Variants in GPR141 observed in about 807,000 individuals in gnomAD.
The protein encoded by GPR141 is probable G protein-coupled receptor 141.
GPR141 carries 6 observed loss-of-function variants against 6.8 expected under a neutral mutation model. The ratio of observed to expected loss-of-function variants is 0.88; its 90% CI spans 0.48 to 1.74. GPR141 has a LOEUF of 1.74. Among genes scored for constraint, GPR141 ranks in the 40% most tolerant of loss-of-function variants. The pLI is 0.01. For synonymous variants in GPR141, 140 were observed against 142.3 expected (o/e 0.98, Z 0.11); for missense variants, 372 against 372.9 (o/e 1.00, Z 0.02).
chr7:37,698,726 G>A (rs182699196), intron 2 of GPR141, among the ~76,000 whole-genome samples: 86 of 152,244 alleles, frequency 5.6e-4, no homozygotes, highest in African/African-American at 1.9e-3. Context: ...CAATAGACTT[G>A]TTTTGTACCA....
intron 2 of GPR141, among the ~76,000 whole-genome samples, chr7:37,728,430 T>A (rs1254033472): frequency 6.6e-6 from 1 of 151,802 alleles, no homozygotes; most frequent in Non-Finnish European, 1.5e-5. Flanking sequence ...CAGGGAGGGG[T>A]TCTGGTGACT....
At chr7:37,736,437 A>C (rs1812240782) in intron 2 of GPR141, among the ~76,000 whole-genome samples, 1 of 151,764 alleles carries the variant, frequency 6.6e-6, no homozygotes, top group South Asian at 2.1e-4. Context: ...ATTATTTCCC[A>C]AAAGTGACAA....
chr7:37,708,324 A>AAAC (rs1554341176), intron 2 of GPR141, among the ~76,000 whole-genome samples: 2 of 151,126 alleles, frequency 1.3e-5, no homozygotes, highest in Non-Finnish European at 3.0e-5. Context: ...AAAAAAAAAA[A>AAAC]AAAAAAAAAA....
At chr7:37,715,241 C>A (rs896454939) in intron 2 of GPR141, among the ~76,000 whole-genome samples, 3 of 152,156 alleles carry the variant, frequency 2.0e-5, no homozygotes, top group African/African-American at 7.2e-5. Flanking sequence ...CCTGCCTCAG[C>A]CTCCTGAGTA....
At chr7:37,694,681 A>G (rs1270792259) in intron 2 of GPR141, among the ~76,000 whole-genome samples, 1 of 152,198 alleles carries the variant, frequency 6.6e-6, no homozygotes, top group African/African-American at 2.4e-5. Context: ...GAAGCAAGAG[A>G]GATGGGGAAA....
intron 2 of GPR141, among the ~76,000 whole-genome samples, chr7:37,711,140 G>A (rs930239701): frequency 6.6e-6 from 1 of 152,162 alleles, no homozygotes; most frequent in African/African-American, 2.4e-5. Context: ...GGCTGGAAAG[G>A]TGACTTGCTC....
In GPR141 at chr7:37,740,946, A is replaced by G. The variant is rs760141591; in HGVS notation, c.553A>G (p.Ile185Val). Residue 185 changes from isoleucine (I) to valine (V), a missense_variant, in exon 3 of 3, where the codon ATA becomes GTA. Transcript: ENST00000334425. ...YTYVKIINYM[I>V]VIFVIAVAVI... ...ATATGTGAAAATCATCAACTATATG[A>G]TAGTCATTTTTGTCATAGCCGTTGC... 9 of 1,614,040 alleles carry G rather than the reference A, an allele frequency of 5.6e-6. No individual in the cohort carries two copies. The highest frequency in any genetic ancestry group is 7.6e-6 in the Non-Finnish European group (9 of 1,179,944).
intron 2 of GPR141, among the ~76,000 whole-genome samples, chr7:37,688,164 C>T (rs939075094): frequency 3.9e-5 from 6 of 152,038 alleles, no homozygotes; most frequent in Admixed American, 6.5e-5. Flanking sequence ...AGGCTGGGCG[C>T]GGTGACTCAC....
chr7:37,733,991 G>A (rs1388138199), intron 2 of GPR141, among the ~76,000 whole-genome samples: 3 of 151,916 alleles, frequency 2.0e-5, no homozygotes, highest in African/African-American at 7.3e-5. Context: ...GGGCAACATG[G>A]TGAAACCCTG....
intron 2 of GPR141, among the ~76,000 whole-genome samples, chr7:37,706,423 A>T (rs1223550622): frequency 2.0e-5 from 3 of 152,202 alleles, no homozygotes; most frequent in Non-Finnish European, 4.4e-5. Context: ...TTGTAAAAGC[A>T]TTTATCCAGA....
intron 2 of GPR141, among the ~76,000 whole-genome samples, chr7:37,707,470 C>A (rs1281892051): frequency 6.6e-6 from 1 of 152,128 alleles, no homozygotes; most frequent in Non-Finnish European, 1.5e-5. Flanking sequence ...GTCCAAATAT[C>A]CTGGCCCTCT....
chr7:37,692,384 T>C (rs1403277039), intron 2 of GPR141, among the ~76,000 whole-genome samples: 1 of 152,220 alleles, frequency 6.6e-6, no homozygotes, highest in Non-Finnish European at 1.5e-5. Context: ...ATTTTCTTTA[T>C]CCAGTCTATC....
At chr7:37,684,816 G>A (rs1222189877) in intron 1 of GPR141, among the ~76,000 whole-genome samples, 1 of 152,132 alleles carries the variant, frequency 6.6e-6, no homozygotes, top group East Asian at 1.9e-4. Flanking sequence ...TTTGTTTTCT[G>A]TTTTATTGGG....
intron 2 of GPR141, among the ~76,000 whole-genome samples, chr7:37,694,004 T>C (rs1809904360): frequency 6.6e-6 from 1 of 152,086 alleles, no homozygotes; most frequent in African/African-American, 2.4e-5. Context: ...CCTTGGGATA[T>C]AGGGCACTGT....
At chr7:37,711,041 C>CT (rs1810772294) in intron 2 of GPR141, among the ~76,000 whole-genome samples, 2 of 152,184 alleles carry the variant, frequency 1.3e-5, no homozygotes, top group Admixed American at 1.3e-4. Flanking sequence ...ACTGATGTTA[C>CT]TTAAATTAAA....
At position 37,687,722 on chromosome 7, in the gene GPR141, A is replaced by G. The variant is rs563846634; in HGVS notation, c.-15+2139A>G. Among the ~76,000 whole-genome samples the G allele has an allele frequency of 3.9e-5, 6 of 152,160 alleles. No individual in the cohort carries two copies. In the South Asian group the frequency reaches 1.2e-3, roughly 32 times the overall value. On this transcript the variant is annotated intron_variant, in intron 2 of 2. Coordinates refer to ENST00000334425, the MANE Select transcript of GPR141 (RefSeq NM_001381946.1). The stretch of plus-strand genomic sequence containing the variant: ...CTGAGACTCCCTGGGCAGTGCTTGC[A>G]TGTTCTACAAATTCAAGACTGGTAG...
intron 2 of GPR141, among the ~76,000 whole-genome samples, chr7:37,695,560 G>T (rs1809977439): frequency 6.6e-6 from 1 of 152,192 alleles, no homozygotes; most frequent in Non-Finnish European, 1.5e-5. Flanking sequence ...TCCTGGGTGG[G>T]GGATGGGATG....
Position 37,732,134 on chromosome 7 carries a change from TTCTC to T in GPR141, c.-14-8238_-14-8235del, listed in dbSNP as rs202235335. 5.5e-5 allele frequency among the ~76,000 whole-genome samples: 8 copies of T among 145,314 alleles called. No homozygotes were observed. In the East Asian group the frequency reaches 6.0e-4, roughly 11 times the overall value. On this transcript the variant is annotated intron_variant, in intron 2 of 2. Coordinates refer to ENST00000334425, the MANE Select transcript of GPR141 (RefSeq NM_001381946.1). ...AGAACTTTCTAACTTCTCCTTTTCT[TTCTC>T]TCTCTCTTTTTTTTTTTTTTTTTGA... is the stretch of plus-strand genomic sequence containing the variant.
intron 2 of GPR141, among the ~76,000 whole-genome samples, chr7:37,729,335 C>T (rs1811798988): frequency 6.6e-6 from 1 of 152,176 alleles, no homozygotes; most frequent in Non-Finnish European, 1.5e-5. Context: ...AGGAGGTCCA[C>T]AGCCAGCCAG....
Sources: gnomAD v4.1 joint callset for allele counts (sites outside exome capture counted in the v4.1 genomes callset) on GRCh38, gnomAD v4.1.1 for gene constraint, MANE v1.5 for transcripts, NCBI Gene and HGNC (gene_info 2026-07-23, HGNC 2026-07-21) for gene names.